The following CPEB1 variants were observed in gnomAD, a reference collection of about 807,000 sequenced individuals.
CPEB1 encodes the protein cytoplasmic polyadenylation element binding protein 1, also known as cytoplasmic polyadenylation element-binding protein 1.
In CPEB1, 7 loss-of-function variants were observed where a neutral mutation model predicts 65.8. The ratio of observed to expected loss-of-function variants is 0.11; its 90% CI spans 0.06 to 0.20. The LOEUF is 0.20. CPEB1 is among the 10% of genes least tolerant of loss of function. The pLI is 1.00. For synonymous variants in CPEB1, 262 were observed against 260.0 expected (o/e 1.01, Z -0.08); for missense variants, 551 against 712.2 (o/e 0.77, Z 2.58).
intron 12 of CPEB1, 82 bp from the exon 13 acceptor site, chr15:82,544,784 G>A (rs938667194): frequency 9.5e-7 from 1 of 1,051,912 alleles, no homozygotes; most frequent in Non-Finnish European, 1.5e-6. Flanking sequence ...TGCTTGTTCT[G>A]TTTGGAGAAG....
Position 82,547,206 on chromosome 15 carries a change from C to A in CPEB1, c.1512G>T (p.Arg504=). ...GSGRVTFNNQ[R]SYLKAVSAAF... ...CAGCGCTGACTGCTTTCAGGTAACT[C>A]CGTTGGTTATTGAAAGTCACACGAC... The change falls in exon 11 of 13, where the codon CGG becomes CGT. Residue 504 remains arginine, a synonymous_variant. Transcript: ENST00000684509. 1 of 1,613,350 alleles carries A rather than the reference C, an allele frequency of 6.2e-7. No homozygotes were observed. Among genetic ancestry groups the A allele is most frequent in the Non-Finnish European group, 8.5e-7 (1 of 1,179,516 alleles).
At chr15:82,609,097 G>A (rs544161355) in intron 3 of CPEB1, among the ~76,000 whole-genome samples, 6 of 152,136 alleles carry the variant, frequency 3.9e-5, no homozygotes, top group African/African-American at 7.2e-5. Flanking sequence ...TCAATGGATC[G>A]AAGAAGAAAT....
chr15:82,579,056 C>T (rs2040961134), intron 3 of CPEB1, among the ~76,000 whole-genome samples: 1 of 152,166 alleles, frequency 6.6e-6, no homozygotes, highest in African/African-American at 2.4e-5. Flanking sequence ...CTCCTGACCT[C>T]ATGTGATCTA....
At chr15:82,620,183 C>T (rs1318568872) in intron 3 of CPEB1, among the ~76,000 whole-genome samples, 11 of 151,874 alleles carry the variant, frequency 7.2e-5, no homozygotes, top group Non-Finnish European at 1.2e-4. Flanking sequence ...CCAAGGCAGG[C>T]GGATCACGAG....
In CPEB1 at chr15:82,555,970, T is replaced by A; in HGVS notation, c.840A>T (p.Arg280Ser). The change falls in exon 6 of 13, where the codon AGA becomes AGT. Residue 280 changes from arginine (R) to serine (S), a missense_variant. Coordinates refer to ENST00000684509, the MANE Select transcript of CPEB1 (RefSeq NM_001365242.1). ...VTPSPTSASK[R>S]WPGASVWPSW... Reference sequence around the variant, plus strand: ...ATGGCCACACAGAAGCTCCTGGCCATCTCTTTGAAGCACTGGTTGGGGAGG... The same window carrying A: ...ATGGCCACACAGAAGCTCCTGGCCAACTCTTTGAAGCACTGGTTGGGGAGG... The A allele has an allele frequency of 1.2e-6, 2 of 1,613,716 alleles. No homozygotes were observed. Among genetic ancestry groups the A allele is most frequent in the African/African-American group, 1.3e-5 (1 of 74,984 alleles).
chr15:82,575,122 T>C (rs2040509675), intron 3 of CPEB1, among the ~76,000 whole-genome samples: 1 of 152,230 alleles, frequency 6.6e-6, no homozygotes, highest in African/African-American at 2.4e-5. Context: ...ATGCGTATCA[T>C]TTTCACACCA....
At chr15:82,571,823 T>C in intron 3 of CPEB1, 1 of 1,220,452 alleles carries the variant, frequency 8.2e-7, no homozygotes, top group Non-Finnish European at 1.0e-6. Flanking sequence ...ATCAGCCGGC[T>C]GAGCCGTGCA....
intron 1 of CPEB1, chr15:82,638,066 A>G: frequency 2.3e-6 from 1 of 435,656 alleles, no homozygotes; most frequent in Middle Eastern, 3.3e-4. Context: ...TTCTGTATTT[A>G]ATGTGTTGTC....
chr15:82,574,392 A>G (rs771304364), intron 3 of CPEB1, among the ~76,000 whole-genome samples: 1 of 152,140 alleles, frequency 6.6e-6, no homozygotes, highest in Non-Finnish European at 1.5e-5. Flanking sequence ...ATGCAACAGT[A>G]GCCATCTTTT....
chr15:82,630,150 G>A (rs565394592), intron 1 of CPEB1: 6 of 979,594 alleles, frequency 6.1e-6, no homozygotes, highest in South Asian at 9.4e-5. Context: ...TGCCCAGGCT[G>A]AACTTGAAAC....
At chr15:82,598,909 C>T (rs1004395147) in intron 3 of CPEB1, among the ~76,000 whole-genome samples, 1 of 152,230 alleles carries the variant, frequency 6.6e-6, no homozygotes, top group East Asian at 1.9e-4. Flanking sequence ...AAAACCTATA[C>T]CTTTCCCATA....
At chr15:82,586,023 G>A (rs1043561332) in intron 3 of CPEB1, among the ~76,000 whole-genome samples, 5 of 152,068 alleles carry the variant, frequency 3.3e-5, no homozygotes, top group African/African-American at 1.2e-4. Context: ...TAGTGGTAGA[G>A]AAAAACCTGA....
At chr15:82,592,231 A>AGT (rs2042314370) in intron 3 of CPEB1, among the ~76,000 whole-genome samples, 2 of 152,184 alleles carry the variant, frequency 1.3e-5, no homozygotes, top group Non-Finnish European at 2.9e-5. Context: ...GTTCAGTTGC[A>AGT]GACCACCTCA....
intron 1 of CPEB1, among the ~76,000 whole-genome samples, chr15:82,633,878 G>A (rs1314892774): frequency 6.6e-6 from 1 of 151,542 alleles, no homozygotes. Context: ...TCATTGTTTT[G>A]AAAAGCAGAA....
intron 12 of CPEB1, 96 bp downstream of exon 12, chr15:82,546,345 T>C (rs972534978): frequency 1.1e-6 from 1 of 947,746 alleles, no homozygotes; most frequent in South Asian, 1.4e-5. Context: ...TCCGCCCACC[T>C]TGGCATCCCA....
chr15:82,597,202 T>C (rs995614603), intron 3 of CPEB1, among the ~76,000 whole-genome samples: 1 of 152,180 alleles, frequency 6.6e-6, no homozygotes, highest in Admixed American at 6.5e-5. Context: ...GGCACATGCT[T>C]GTAGTCCCAG....
chr15:82,600,876 T>C (rs999028569), intron 3 of CPEB1, among the ~76,000 whole-genome samples: 3 of 151,482 alleles, frequency 2.0e-5, no homozygotes, highest in Non-Finnish European at 4.4e-5. Flanking sequence ...AAACTACTTT[T>C]TTAAAGAACC....
At chr15:82,582,803 G>C (rs1042077173) in intron 3 of CPEB1, among the ~76,000 whole-genome samples, 1 of 141,080 alleles carries the variant, frequency 7.1e-6, no homozygotes, top group East Asian at 2.0e-4. Flanking sequence ...GTGCAGTGGC[G>C]TGATCTGGAC....
At chr15:82,599,899 A>C (rs12441119) in intron 3 of CPEB1, among the ~76,000 whole-genome samples, 1 of 152,206 alleles carries the variant, frequency 6.6e-6, no homozygotes, top group Non-Finnish European at 1.5e-5. Context: ...AAATGTATAC[A>C]ATACATAAGG....
Sources: gnomAD v4.1 joint callset for allele counts (sites outside exome capture counted in the v4.1 genomes callset) on GRCh38, gnomAD v4.1.1 for gene constraint, MANE v1.5 for transcripts, NCBI Gene and HGNC (gene_info 2026-07-23, HGNC 2026-07-21) for gene names.